The following PPP1R13L variants were observed in gnomAD, a reference collection of about 807,000 sequenced individuals.
PPP1R13L encodes the protein protein phosphatase 1 regulatory subunit 13 like, also known as relA-associated inhibitor.
PPP1R13L carries 50 observed loss-of-function variants against 80.9 expected under a neutral mutation model. The observed-to-expected ratio is 0.62, with a 90% confidence interval of 0.49 to 0.78. The LOEUF is 0.78. Among genes scored for constraint, PPP1R13L ranks in the 30% least tolerant of loss-of-function variants. The pLI is 0.00. For synonymous variants in PPP1R13L, 602 were observed against 534.3 expected (o/e 1.13, Z -1.75); for missense variants, 1,200 against 1,205.9 (o/e 1.00, Z 0.07).
Position 45,395,500 on chromosome 19 carries a change from G to T in PPP1R13L, c.1290C>A (p.Thr430=). 1 of 1,488,726 alleles carries T rather than the reference G, an allele frequency of 6.7e-7. No homozygotes were observed. The highest frequency in any genetic ancestry group is 1.2e-5 in the South Asian group (1 of 81,486). 92.2% of individuals were successfully genotyped at this position (1,488,726 alleles called of 1,614,324 possible). A position where few individuals can be genotyped will look rare whatever the true frequency, so the allele number is the denominator to read the frequency against. ...PQPQLPPQPQ[T]QPQTPTPAPQ... is the part of the protein sequence containing the mutation. ...GGGCTGGGGTAGGGGTTTGGGGTTGGGTCTGGGGCTGTGGGGGCAGCTGGG... is the reference window on the plus strand; with the variant it reads ...GGGCTGGGGTAGGGGTTTGGGGTTGTGTCTGGGGCTGTGGGGGCAGCTGGG... The change falls in exon 7 of 13, where the codon ACC becomes ACA. Residue 430 remains threonine (T), a synonymous_variant. Coordinates refer to ENST00000360957, the MANE Select transcript of PPP1R13L (RefSeq NM_006663.4).
intron 1 of PPP1R13L, chr19:45,402,172 C>T (rs1310469683): frequency 2.0e-5 from 3 of 152,190 alleles, no homozygotes; most frequent in South Asian, 2.1e-4. Context: ...GATACACAAA[C>T]AATACTTTGT....
In PPP1R13L at chr19:45,392,281, G is replaced by T; in HGVS notation, c.1414C>A (p.Pro472Thr). The T allele has an allele frequency of 6.2e-7, 1 of 1,613,582 alleles. No individual in the cohort carries two copies. The highest frequency in any genetic ancestry group is 8.5e-7 in the Non-Finnish European group (1 of 1,180,022). Residue 472 changes from proline (P) to threonine (T), a missense_variant, in exon 8 of 13, where the codon CCA (proline) becomes ACA (threonine). Physicochemically the swap from Pro to Thr is conservative, Grantham distance 38. This residue lies in a region of PPP1R13L where 764 missense variants were observed against 714.5 expected (regional missense o/e 1.07). Transcript: ENST00000360957. ...PEPEIEGLLTPVLEAGDVDEG... is the reference protein window; with the variant it reads ...PEPEIEGLLTTVLEAGDVDEG... ...TCCACATCGCCAGCCTCCAGCACTG[G>T]TGTCAGCAGCCCCTCTATCTCCGGC...
chr19:45,405,443 ATCTTC>A (rs1413316395), upstream of PPP1R13L, among the ~76,000 whole-genome samples: 6 of 152,200 alleles, frequency 3.9e-5, no homozygotes, highest in African/African-American at 1.4e-4. Flanking sequence ...CGCGGGTTGG[ATCTTC>A]AAAGGATGTC....
rs1244057811 is a variant in PPP1R13L at position 45,391,914 on chromosome 19, G to A, written c.1781C>T (p.Ser594Phe). The A allele has an allele frequency of 2.0e-6, 3 of 1,497,754 alleles. No individual in the cohort carries two copies. The highest frequency in any genetic ancestry group is 2.8e-5 in the African/African-American group (2 of 71,106). The allele number at this position is 1,497,754 out of a possible 1,614,324, so 92.8% of individuals were successfully genotyped here. The change falls in exon 8 of 13, where the codon TCC (serine) becomes TTC (phenylalanine). Residue 594 changes from serine (S) to phenylalanine (F), a missense_variant. Physicochemically the swap from Ser to Phe is radical, Grantham distance 155. This residue lies in a region of PPP1R13L where 214 missense variants were observed against 199.6 expected (regional missense o/e 1.07). Coordinates refer to ENST00000360957, the MANE Select transcript of PPP1R13L (RefSeq NM_006663.4). ...PPAPIPPPAP[S>F]QSSPPEQPQS... ...CGGCTGCTCTGGTGGGCTGCTCTGG[G>A]ACGGGGCCGGGGGTGGAATGGGAGC...
chr19:45,383,801 G>T (rs1432882943), intron 11 of PPP1R13L, among the ~76,000 whole-genome samples: 1 of 151,504 alleles, frequency 6.6e-6, no homozygotes, highest in Non-Finnish European at 1.5e-5. Flanking sequence ...TTGCTCTGTC[G>T]CCCAGGCTGG....
At chr19:45,401,169 C>T (rs531321173) in intron 1 of PPP1R13L, among the ~76,000 whole-genome samples, 10 of 151,298 alleles carry the variant, frequency 6.6e-5, no homozygotes, top group African/African-American at 1.9e-4. Flanking sequence ...CTGGCTAACA[C>T]GGTGAAACCC....
At position 45,392,580 on chromosome 19, in the gene PPP1R13L, A is replaced by G; in HGVS notation, c.1355-240T>C. On this transcript the variant is annotated intron_variant, in intron 7 of 12. Transcript: ENST00000360957. ...TACATGCCTACCTTATTGTAATCTC[A>G]CCACTGCTTTGTGAGGTAGATACAC... 6.5e-6 allele frequency: 4 copies of G among 619,540 alleles called. No homozygotes were observed. In the South Asian group the frequency reaches 7.2e-5, roughly 11 times the overall value. 38.4% of individuals were successfully genotyped at this position (619,540 alleles called of 1,614,324 possible).
intron 11 of PPP1R13L, among the ~76,000 whole-genome samples, chr19:45,383,210 G>A (rs1972801126): frequency 6.6e-6 from 1 of 151,194 alleles, no homozygotes; most frequent in Non-Finnish European, 1.5e-5. Flanking sequence ...TAGCCAGGAT[G>A]GTCTCGATCT....
chr19:45,380,264 C>G (rs1474535352), intron 12 of PPP1R13L, 36 bp from the exon 13 acceptor site: 27 of 1,612,256 alleles, frequency 1.7e-5, no homozygotes, highest in Non-Finnish European at 2.3e-5. Flanking sequence ...ATCAGGAGCT[C>G]CCACCTCCTC....
In PPP1R13L at chr19:45,396,065, G is replaced by T; in HGVS notation, c.903+103C>A. On this transcript the variant is annotated intron_variant, in intron 6 of 12. Transcript: ENST00000360957. The surrounding 1 kb of genome is among the most constrained non-coding windows in gnomAD (Gnocchi z 5.3). ...GGGAGAGCGTGGGAACGGGCGCCGA[G>T]ACCCAGATCGCAGCCCCGAGGGGGA... 7.2e-7 allele frequency: 1 copy of T among 1,382,780 alleles called. No individual in the cohort carries two copies. 85.7% of individuals were successfully genotyped at this position (1,382,780 alleles called of 1,614,324 possible).
chr19:45,382,758 C>G (rs1190528789), intron 11 of PPP1R13L, 32 bp from the exon 12 acceptor site: 1 of 1,611,370 alleles, frequency 6.2e-7, no homozygotes, highest in Non-Finnish European at 8.5e-7. Context: ...AAGGTGAGAG[C>G]CTGGCCCAGG....
In PPP1R13L at chr19:45,392,314, C is replaced by CCGGCT; in HGVS notation, c.1380_1381insAGCCG (p.Glu461SerfsTer8). 6.2e-7 allele frequency: 1 copy of CCGGCT among 1,613,556 alleles called. No homozygotes were observed. Among genetic ancestry groups the CCGGCT allele is most frequent in the Non-Finnish European group, 8.5e-7 (1 of 1,180,028 alleles). On this transcript the variant is annotated frameshift_variant, in exon 8 of 13. Transcript: ENST00000360957. LOFTEE classifies it high-confidence loss of function. ...AGCCCCTCTATCTCCGGCTCAGGCT[C>CCGGCT]CAGCTCGGTGGGGGGTTTGGGGGGT...
intron 1 of PPP1R13L, 35 bp downstream of exon 1, chr19:45,404,953 GTTGGGCTTTTT>G (rs1483608241): frequency 1.0e-6 from 1 of 979,264 alleles, no homozygotes; most frequent in African/African-American, 1.8e-5. Flanking sequence ...GGACGCGGGT[GTTGGGCTTTTT>G]CAGGGCCTCT....
At chr19:45,399,160 G>A (rs1260901242) in intron 1 of PPP1R13L, among the ~76,000 whole-genome samples, 2 of 149,174 alleles carry the variant, frequency 1.3e-5, no homozygotes, top group African/African-American at 4.9e-5. Flanking sequence ...AGCCAGGATG[G>A]TCTCGATCTC....
Position 45,386,148 on chromosome 19 carries a change from G to A in PPP1R13L, c.1848C>T (p.Ser616=), listed in dbSNP as rs1243784447. ...GGCGCGCGCGGCGGGCCTTGCGCGG[G>A]GAGCCCGCCTTCCGCAGCACAGAGC... is the stretch of plus-strand genomic sequence containing the variant. The part of the protein sequence containing the change: ...EMRSVLRKAG[S]PRKARRARLN... The change falls in exon 9 of 13, where the codon TCC becomes TCT. Residue 616 remains serine, a synonymous_variant. Transcript: ENST00000360957. 1.3e-6 allele frequency: 2 copies of A among 1,540,788 alleles called. No individual in the cohort carries two copies. Among genetic ancestry groups the A allele is most frequent in the Non-Finnish European group, 1.7e-6 (2 of 1,157,164 alleles).
chr19:45,390,457 A>G (rs1599767866), intron 8 of PPP1R13L, among the ~76,000 whole-genome samples: 1 of 152,206 alleles, frequency 6.6e-6, no homozygotes. Flanking sequence ...TGTAAATTCC[A>G]GACATTGTAT....
At chr19:45,399,021 G>T (rs1241104262) in intron 1 of PPP1R13L, among the ~76,000 whole-genome samples, 3 of 151,958 alleles carry the variant, frequency 2.0e-5, no homozygotes, top group Non-Finnish European at 4.4e-5. Context: ...TCGGCTCACT[G>T]CAAGCTCCGC....
At chr19:45,383,778 T>C (rs1395013158) in intron 11 of PPP1R13L, among the ~76,000 whole-genome samples, 3 of 151,656 alleles carry the variant, frequency 2.0e-5, no homozygotes, top group Non-Finnish European at 4.4e-5. Flanking sequence ...CTTTTCTTTT[T>C]GGAGACGGAG....
intron 11 of PPP1R13L, among the ~76,000 whole-genome samples, chr19:45,384,366 C>CAAA (rs770216477): frequency 0.061 from 5,515 of 91,126 alleles, 333 homozygotes; most frequent in East Asian, 0.24. Context: ...ACTAAAAATA[C>CAAA]AAAAAAAAAA....
Sources: gnomAD v4.1 joint callset for allele counts (sites outside exome capture counted in the v4.1 genomes callset) on GRCh38, gnomAD v4.1.1 for gene constraint, gnomAD v4.1.1 regional missense constraint, Gnocchi (gnomAD v3.1) non-coding constraint, MANE v1.5 for transcripts, NCBI Gene and HGNC (gene_info 2026-07-23, HGNC 2026-07-21) for gene names.